The following ZG16 variants were observed in gnomAD, a reference collection of about 807,000 sequenced individuals.
ZG16 encodes zymogen granule membrane protein 16.
A neutral mutation model predicts 15.6 loss-of-function variants in ZG16; 9 were observed. The ratio of observed to expected loss-of-function variants is 0.58; its 90% CI spans 0.35 to 1.00. ZG16 has a LOEUF of 1.00. Ranked by LOEUF, ZG16 falls within the 50% of genes least tolerant of loss-of-function variation. The pLI is 0.02. For synonymous variants in ZG16, 89 were observed against 87.4 expected, an observed-to-expected ratio of 1.02 and a Z score of -0.10; for missense variants, 174 against 214.8, an observed-to-expected ratio of 0.81 and a Z score of 1.19.
In ZG16 at chr16:29,780,723, C is replaced by G; in HGVS notation, c.*304C>G. 2 of 305,410 alleles carry G rather than the reference C, an allele frequency of 6.5e-6. No homozygotes were observed. The highest frequency in any genetic ancestry group is 6.1e-6 in the Non-Finnish European group (1 of 164,258). 18.9% of individuals were successfully genotyped at this position (305,410 alleles called of 1,614,324 possible). On this transcript the variant is annotated 3_prime_UTR_variant, in exon 4 of 4. Coordinates refer to ENST00000400752, the MANE Select transcript of ZG16 (RefSeq NM_152338.4). ...GCATCAACGCTCTTCAAGGACAGCT[C>G]CTTGGAACATTGATCCAAACTGGAG...
rs2142353527 is a variant in ZG16, at chr16:29,780,016, C to T, written c.189-88C>T. The T allele has an allele frequency of 3.2e-6, 4 of 1,237,852 alleles. No individual in the cohort carries two copies. The South Asian group carries it at 6.3e-5, about 19-fold the overall frequency. The allele number at this position is 1,237,852 out of a possible 1,614,324, so 76.7% of individuals were successfully genotyped here. A position where few individuals can be genotyped will look rare whatever the true frequency, so the allele number is the denominator to read the frequency against. On this transcript the variant is annotated intron_variant, in intron 3 of 3. Coordinates refer to ENST00000400752, the MANE Select transcript of ZG16 (RefSeq NM_152338.4). ...CCCTGTAGGATCTTCCAGGGTTCAC[C>T]CAGGCTTCACAGTCTGTAGGACTAG...
Position 29,780,270 on chromosome 16 carries a change from T to C in ZG16, c.355T>C (p.Ser119Pro), listed in dbSNP as rs1236306900. The C allele has an allele frequency of 6.5e-7, 1 of 1,537,480 alleles. No individual in the cohort carries two copies. Among genetic ancestry groups the C allele is most frequent in the South Asian group, 1.2e-5 (1 of 84,062 alleles). ...TGTGACAGACAAGGGCCGCTATCTG[T>C]CTTTTGGGAAAGACAGTGGCACAAG... ...VFVTDKGRYL[S>P]FGKDSGTSFN... The change falls in exon 4 of 4, where the codon TCT becomes CCT. Residue 119 changes from serine (S) to proline (P), a missense_variant. Transcript: ENST00000400752.
chr16:29,779,251 C>T lies in ZG16; in HGVS notation c.-7-9C>T. 6.5e-7 allele frequency: 1 copy of T among 1,537,564 alleles called. No homozygotes were observed. ...TGAATCTTCATTTGCTCTTTTCTTCCCACTCCAGCCCCAGAATGTTGACAG... is the reference window on the plus strand; with the variant it reads ...TGAATCTTCATTTGCTCTTTTCTTCTCACTCCAGCCCCAGAATGTTGACAG... On this transcript the variant is annotated splice_polypyrimidine_tract_variant and intron_variant, in intron 1 of 3. Coordinates refer to ENST00000400752, the MANE Select transcript of ZG16 (RefSeq NM_152338.4).
At chr16:29,780,047 G>T (rs747462659) in intron 3 of ZG16, 57 bp from the exon 4 acceptor site, 22 of 1,434,522 alleles carry the variant, frequency 1.5e-5, no homozygotes, top group Non-Finnish European at 1.9e-5. Context: ...ACTAGCCAGA[G>T]ACCTCTCATC....
chr16:29,778,693 G>A (rs549705553), intron 1 of ZG16, among the ~76,000 whole-genome samples: 1 of 152,218 alleles, frequency 6.6e-6, no homozygotes, highest in South Asian at 2.1e-4. Flanking sequence ...TAACATAGAG[G>A]CAACTCTAAA....
intron 1 of ZG16, among the ~76,000 whole-genome samples, chr16:29,778,935 GA>G (rs1372041354): frequency 6.6e-6 from 1 of 152,150 alleles, no homozygotes; most frequent in Non-Finnish European, 1.5e-5. Context: ...GCTGACTTCA[GA>G]AAACTTTTCT....
chr16:29,780,079 C>T (rs757790173), intron 3 of ZG16, 25 bp from the exon 4 acceptor site: 2 of 1,519,084 alleles, frequency 1.3e-6, no homozygotes, highest in Non-Finnish European at 8.8e-7. Flanking sequence ...CTTTCTTTCT[C>T]CTTCCTTCCT....
chr16:29,779,163 G>A (rs1444846520), intron 1 of ZG16, 97 bp from the exon 2 acceptor site: 9 of 1,234,264 alleles, frequency 7.3e-6, no homozygotes, highest in Non-Finnish European at 9.2e-6. Flanking sequence ...GAAGGACGAA[G>A]AAGGCTTGGT....
In ZG16 at chr16:29,780,858, C is replaced by CT. The variant is rs1388636340; in HGVS notation, c.*441dup. Reference sequence around the variant, plus strand: ...TCCCCTTGAGAAAGTGGTGAACTCACTTGCTGTGTGTGGGTGGCCAGGACC... The same window carrying CT: ...TCCCCTTGAGAAAGTGGTGAACTCACTTTGCTGTGTGTGGGTGGCCAGGACC... On this transcript the variant is annotated 3_prime_UTR_variant, in exon 4 of 4. Transcript: ENST00000400752. 6.2e-6 allele frequency: 1 copy of CT among 160,590 alleles called. No individual in the cohort carries two copies. Among genetic ancestry groups the CT allele is most frequent in the African/African-American group, 2.4e-5 (1 of 41,598 alleles). The allele number at this position is 160,590 out of a possible 1,614,324, so 9.9% of individuals were successfully genotyped here.
chr16:29,779,965 CTT>C, intron 3 of ZG16, 137 bp from the exon 4 acceptor site: 1 of 830,286 alleles, frequency 1.2e-6, no homozygotes, highest in Non-Finnish European at 1.8e-6. Context: ...GACAGAGTCT[CTT>C]TGTTGGCAAA....
rs1053966926 is a variant in ZG16 at position 29,780,574 on chromosome 16, C to T, written c.*155C>T. 17 of 675,138 alleles carry T rather than the reference C, an allele frequency of 2.5e-5. No homozygotes were observed. Among genetic ancestry groups the T allele is most frequent in the East Asian group, 8.4e-5 (3 of 35,572 alleles). The allele number at this position is 675,138 out of a possible 1,614,324, so 41.8% of individuals were successfully genotyped here. A position where few individuals can be genotyped will look rare whatever the true frequency, so the allele number is the denominator to read the frequency against. The stretch of plus-strand genomic sequence containing the variant: ...ATCTGCCTCCTGACTTAGCCGGGGA[C>T]GTGCAAATCTCACTTCTGGCTGGCT... On this transcript the variant is annotated 3_prime_UTR_variant, in exon 4 of 4. Transcript: ENST00000400752.
rs1898629724 is a variant in ZG16, at chr16:29,782,015, T to C, written c.*1596T>C. The C allele has an allele frequency of 1.3e-5, 2 of 152,202 alleles. No individual in the cohort carries two copies. Among genetic ancestry groups the C allele is most frequent in the South Asian group, 4.1e-4 (2 of 4,838 alleles). 9.4% of individuals were successfully genotyped at this position (152,202 alleles called of 1,614,324 possible). A position where few individuals can be genotyped will look rare whatever the true frequency, so the allele number is the denominator to read the frequency against. ...TTCACACACTACCTGAGGAAGCTGG[T>C]CTTTGTGACAGACAAGAGCTGCTCT... On this transcript the variant is annotated 3_prime_UTR_variant, in exon 4 of 4. Transcript: ENST00000400752.
At position 29,782,895 on chromosome 16, in the gene ZG16, T is replaced by C. The variant is rs1898638835; in HGVS notation, c.*2476T>C. 6.6e-6 allele frequency: 1 copy of C among 152,218 alleles called. No homozygotes were observed. Among genetic ancestry groups the C allele is most frequent in the African/African-American group, 2.4e-5 (1 of 41,460 alleles). The allele number at this position is 152,218 out of a possible 1,614,324, so 9.4% of individuals were successfully genotyped here. On this transcript the variant is annotated 3_prime_UTR_variant, in exon 4 of 4. Transcript: ENST00000400752. ...TTTTATACTTTCTTATGCCTGTCTT[T>C]ACTGCAATCACTAAACATAAATTGT...
Position 29,782,445 on chromosome 16 carries a change from C to T in ZG16, c.*2026C>T, listed in dbSNP as rs1035263039. ...CCCGTAGGATCTTCTAGGGCTCAAC[C>T]AGCCTTCATGTGCAGTGGGACTGGC... On this transcript the variant is annotated 3_prime_UTR_variant, in exon 4 of 4. Transcript: ENST00000400752. 1 of 152,176 alleles carries T rather than the reference C, an allele frequency of 6.6e-6. No homozygotes were observed. The highest frequency in any genetic ancestry group is 1.5e-5 in the Non-Finnish European group (1 of 68,036). 9.4% of individuals were successfully genotyped at this position (152,176 alleles called of 1,614,324 possible).
chr16:29,778,926 C>T (rs960255056), intron 1 of ZG16, among the ~76,000 whole-genome samples: 5 of 152,156 alleles, frequency 3.3e-5, no homozygotes, highest in Admixed American at 6.5e-5. Flanking sequence ...CTGGGCTTGG[C>T]TGACTTCAGA....
chr16:29,780,575 G>A lies in ZG16; in HGVS notation c.*156G>A, dbSNP rs893541631. 7.0e-5 allele frequency: 47 copies of A among 674,640 alleles called. No homozygotes were observed. The highest frequency in any genetic ancestry group is 2.8e-4 in the Admixed American group (9 of 32,190). 41.8% of individuals were successfully genotyped at this position (674,640 alleles called of 1,614,324 possible). On this transcript the variant is annotated 3_prime_UTR_variant, in exon 4 of 4. Transcript: ENST00000400752. Reference sequence around the variant, plus strand: ...TCTGCCTCCTGACTTAGCCGGGGACGTGCAAATCTCACTTCTGGCTGGCTT... The same window carrying A: ...TCTGCCTCCTGACTTAGCCGGGGACATGCAAATCTCACTTCTGGCTGGCTT...
Position 29,781,306 on chromosome 16 carries a change from A to G in ZG16, c.*887A>G, listed in dbSNP as rs1231287780. On this transcript the variant is annotated 3_prime_UTR_variant, in exon 4 of 4. Coordinates refer to ENST00000400752, the MANE Select transcript of ZG16 (RefSeq NM_152338.4). The stretch of plus-strand genomic sequence containing the variant: ...GTCTTTTTAAAATCCTAGACAGGAG[A>G]GTCACAAGCATGTTCACATGATAAA... The G allele has an allele frequency of 6.6e-6, 1 of 152,174 alleles. No homozygotes were observed. Among genetic ancestry groups the G allele is most frequent in the Non-Finnish European group, 1.5e-5 (1 of 68,030 alleles). The allele number at this position is 152,174 out of a possible 1,614,324, so 9.4% of individuals were successfully genotyped here. A position where few individuals can be genotyped will look rare whatever the true frequency, so the allele number is the denominator to read the frequency against.
Position 29,779,630 on chromosome 16 carries a change from A to G in ZG16, c.181A>G (p.Ile61Val). The G allele has an allele frequency of 1.3e-6, 2 of 1,537,072 alleles. No homozygotes were observed. Among genetic ancestry groups the G allele is most frequent in the Middle Eastern group, 1.7e-4 (1 of 5,990 alleles). Reference sequence around the variant, plus strand: ...CCGGGTCCGAGTCAACACATACTACATCGTAGGGTAAGATTCTTTGAATTC... The same window carrying G: ...CCGGGTCCGAGTCAACACATACTACGTCGTAGGGTAAGATTCTTTGAATTC... ...ALRVRVNTYYIVGLQVRYGKV... is the reference protein window; with the variant it reads ...ALRVRVNTYYVVGLQVRYGKV... Residue 61 changes from isoleucine to valine, a missense_variant, in exon 3 of 4, where the codon ATC (isoleucine) becomes GTC (valine). By Grantham distance (29) the Ile-to-Val change is conservative. Transcript: ENST00000400752.
intron 3 of ZG16, 26 bp from the exon 4 acceptor site, chr16:29,780,078 T>C (rs898459191): frequency 6.6e-7 from 1 of 1,518,260 alleles, no homozygotes; most frequent in Admixed American, 2.0e-5. Context: ...CCTTTCTTTC[T>C]CCTTCCTTCC....
Sources: allele counts gnomAD v4.1 joint callset (sites outside exome capture counted in the v4.1 genomes callset), GRCh38; gene constraint gnomAD v4.1.1; transcripts MANE v1.5; gene names NCBI Gene and HGNC (gene_info 2026-07-23, HGNC 2026-07-21).